The following RREB1 variants were observed in gnomAD, a reference collection of about 807,000 sequenced individuals.
RREB1 encodes ras responsive element binding protein 1.
Under a neutral mutation model 117.8 loss-of-function variants are expected in RREB1, and 27 were observed. The ratio of observed to expected loss-of-function variants is 0.23; its 90% CI spans 0.17 to 0.32. The LOEUF (loss-of-function observed/expected upper bound fraction) is 0.32. Among genes scored for constraint, RREB1 ranks in the 10% least tolerant of loss-of-function variants. The pLI, the probability that RREB1 is intolerant of heterozygous loss-of-function variation, is 1.00. For synonymous variants in RREB1, 1,298 were observed against 1,026.7 expected (o/e 1.26, Z -5.05); for missense variants, 2,577 against 2,378.2 (o/e 1.08, Z -1.74).
intron 1 of RREB1, among the ~76,000 whole-genome samples, chr6:7,109,798 G>GGAGGGGTTTTCTTCGTTT (rs1245853406): frequency 6.6e-6 from 1 of 152,162 alleles, no homozygotes; most frequent in Non-Finnish European, 1.5e-5. Flanking sequence ...GGGGCACTTT[G>GGAGGGGTTTTCTTCGTTT]GAGGGGTTTT....
intron 10 of RREB1, among the ~76,000 whole-genome samples, chr6:7,232,763 CTT>C (rs59522749): frequency 1.5e-4 from 21 of 136,924 alleles, no homozygotes; most frequent in Non-Finnish European, 1.9e-4. Flanking sequence ...TTTTCTTTTT[CTT>C]TTTTTTTTTT....
At chr6:7,237,287 A>G (rs1768395165) in intron 10 of RREB1, among the ~76,000 whole-genome samples, 4 of 152,042 alleles carry the variant, frequency 2.6e-5, no homozygotes. Context: ...GGGTTTCACC[A>G]CATTGGCCAG....
In RREB1 at chr6:7,246,545, T is replaced by C. The variant is rs535277225; in HGVS notation, c.4095T>C (p.Pro1365=). The change falls in exon 12 of 13, where the codon CCT becomes CCC. Residue 1365 remains proline (P), a synonymous_variant. Coordinates refer to ENST00000379938, the MANE Select transcript of RREB1 (RefSeq NM_001003699.4). ...TCCGCCAGGTCGCAGGGGATGCGCC[T>C]GTGGAGCAGGCCACGGCGGAAACGG... is the stretch of plus-strand genomic sequence containing the variant. ...TELRQVAGDA[P]VEQATAETAS... is the part of the protein sequence containing the mutation. The C allele has an allele frequency of 2.0e-4, 305 of 1,548,158 alleles. 6 individuals carry two copies. The East Asian group carries it at 7.4e-3, about 38-fold the overall frequency.
rs780074891 is a variant in RREB1, at chr6:7,230,377, G to A, written c.2278G>A (p.Glu760Lys). 5.7e-6 allele frequency: 9 copies of A among 1,592,428 alleles called. No individual in the cohort carries two copies. The highest frequency in any genetic ancestry group is 2.2e-5 in the East Asian group (1 of 44,674). The change falls in exon 10 of 13, where the codon GAG becomes AAG. Residue 760 changes from glutamate (E) to lysine (K), a missense_variant. Transcript: ENST00000379938. The part of the protein sequence containing the change: ...APDTVCRLCG[E>K]DLKHYRALRI... ...GGACACCGTGTGCCGGCTGTGCGGC[G>A]AGGACCTCAAGCACTATCGTGCCCT...
Position 7,179,796 on chromosome 6 carries a change from G to GTT in RREB1, c.-165-1317_-165-1316dup, listed in dbSNP as rs111361161. Among the ~76,000 whole-genome samples, 107 of 147,750 alleles carry GTT rather than the reference G, an allele frequency of 7.2e-4. 2 individuals are homozygous for GTT. The highest frequency in any genetic ancestry group is 1.5e-3 in the African/African-American group (59 of 40,512). On this transcript the variant is annotated intron_variant, in intron 2 of 12. Coordinates refer to ENST00000379938, the MANE Select transcript of RREB1 (RefSeq NM_001003699.4). ...TTAAAAACAGAAAGTTTGAAACACA[G>GTT]TTTTTTTTTTTTCTTTTAATTTTAA...
rs981390261 is a variant in RREB1 at position 7,189,408 on chromosome 6, C to G, written c.425+86C>G. 8 of 1,296,038 alleles carry G rather than the reference C, an allele frequency of 6.2e-6. No individual in the cohort carries two copies. In the Admixed American group the frequency reaches 1.3e-4, roughly 21 times the overall value. 80.3% of individuals were successfully genotyped at this position (1,296,038 alleles called of 1,614,324 possible). A position where few individuals can be genotyped will look rare whatever the true frequency, so the allele number is the denominator to read the frequency against. On this transcript the variant is annotated intron_variant, in intron 6 of 12. Coordinates refer to ENST00000379938, the MANE Select transcript of RREB1 (RefSeq NM_001003699.4). ...CAGTGGCCTCTGAGCCTTCAGAAGA[C>G]TTGCCTAAAGGTACAGAGAGTTCTG...
In RREB1 at chr6:7,229,501, G is replaced by T; in HGVS notation, c.1402G>T (p.Ala468Ser). The T allele has an allele frequency of 6.2e-7, 1 of 1,614,114 alleles. No individual in the cohort carries two copies. Among genetic ancestry groups the T allele is most frequent in the Non-Finnish European group, 8.5e-7 (1 of 1,180,028 alleles). ...PISGESAIELADIQQILKMAA... is the reference protein window; with the variant it reads ...PISGESAIELSDIQQILKMAA... ...CTCTGGCGAGTCGGCCATCGAGCTG[G>T]CAGACATCCAGCAAATTCTGAAGAT... The change falls in exon 10 of 13, where the codon GCA becomes TCA. Residue 468 changes from alanine to serine, a missense_variant. Ala to Ser is a moderately conservative substitution (Grantham distance 99). Transcript: ENST00000379938. The surrounding 1 kb of genome is among the most constrained non-coding windows in gnomAD (Gnocchi z 4.5).
In RREB1 at chr6:7,230,563, G is replaced by C; in HGVS notation, c.2464G>C (p.Glu822Gln). ...CCTGCACGTGCCCGAGCAGGACATC[G>C]AGAGCTACGTGCTGGCCGCCGACGG... is the stretch of plus-strand genomic sequence containing the variant. ...QHLHVPEQDI[E>Q]SYVLAADGLG... The change falls in exon 10 of 13, where the codon GAG (glutamate) becomes CAG (glutamine). Residue 822 changes from glutamate (E) to glutamine (Q), a missense_variant. By Grantham distance (29) the Glu-to-Gln change is conservative. Transcript: ENST00000379938. 6.2e-7 allele frequency: 1 copy of C among 1,601,662 alleles called. No homozygotes were observed. The highest frequency in any genetic ancestry group is 2.2e-5 in the East Asian group (1 of 44,560).
intron 10 of RREB1, among the ~76,000 whole-genome samples, chr6:7,236,131 C>CAA (rs1444747283): frequency 6.6e-6 from 1 of 152,154 alleles, no homozygotes; most frequent in African/African-American, 2.4e-5. Flanking sequence ...CTGCCTTTAC[C>CAA]CCTCGGGAGC....
At chr6:7,139,638 C>CA (rs575140292) in intron 1 of RREB1, among the ~76,000 whole-genome samples, 1 of 150,844 alleles carries the variant, frequency 6.6e-6, no homozygotes, top group Admixed American at 6.6e-5. Flanking sequence ...GTTGGGCCTT[C>CA]AAAAAAAAGT....
intron 1 of RREB1, among the ~76,000 whole-genome samples, chr6:7,112,592 T>C (rs573577974): frequency 6.6e-6 from 1 of 152,214 alleles, no homozygotes; most frequent in South Asian, 2.1e-4. Flanking sequence ...AGGTACCTTA[T>C]ATCAAAGGTA....
chr6:7,208,230 A>G (rs907421433), intron 6 of RREB1, among the ~76,000 whole-genome samples: 1 of 152,196 alleles, frequency 6.6e-6, no homozygotes, highest in African/African-American at 2.4e-5. Flanking sequence ...GGAAGGGGTC[A>G]TTAGTGTCTC....
chr6:7,225,457 G>A (rs1767528029), intron 8 of RREB1, among the ~76,000 whole-genome samples: 2 of 152,132 alleles, frequency 1.3e-5, no homozygotes, highest in South Asian at 4.2e-4. Flanking sequence ...CCATAACGAT[G>A]GTATTTTGTT....
intron 8 of RREB1, among the ~76,000 whole-genome samples, chr6:7,219,895 C>T (rs1335241163): frequency 2.0e-5 from 3 of 152,172 alleles, no homozygotes; most frequent in African/African-American, 4.8e-5. Context: ...TCTACTTCAC[C>T]CTACCCAGTG....
rs1364251933 is a variant in RREB1, at chr6:7,230,458, C to T, written c.2359C>T (p.Arg787Cys). 6.3e-6 allele frequency: 10 copies of T among 1,593,728 alleles called. No individual in the cohort carries two copies. The highest frequency in any genetic ancestry group is 2.2e-5 in the East Asian group (1 of 44,700). Residue 787 changes from arginine (R) to cysteine (C), a missense_variant, in exon 10 of 13, where the codon CGC becomes TGC. Transcript: ENST00000379938. Reference protein sequence around the residue: ...GRGLGGGHKGRKPFECKECSA... With the variant: ...GRGLGGGHKGCKPFECKECSA... ...CGGCCTGGGCGGGGGCCACAAGGGC[C>T]GCAAGCCCTTCGAGTGCAAGGAGTG...
chr6:7,164,980 T>C (rs1763852531), intron 1 of RREB1, among the ~76,000 whole-genome samples: 1 of 152,268 alleles, frequency 6.6e-6, no homozygotes, highest in Non-Finnish European at 1.5e-5. Flanking sequence ...CTCGGGTTTC[T>C]GGACTTTGAT....
intron 1 of RREB1, among the ~76,000 whole-genome samples, chr6:7,133,677 A>AT (rs1428313298): frequency 9.8e-5 from 15 of 152,318 alleles, no homozygotes; most frequent in African/African-American, 3.6e-4. Context: ...ATTAAAAATT[A>AT]TTTTTTCATC....
At chr6:7,146,295 C>T (rs1762854477) in intron 1 of RREB1, among the ~76,000 whole-genome samples, 1 of 152,106 alleles carries the variant, frequency 6.6e-6, no homozygotes, top group South Asian at 2.1e-4. Context: ...ACATAGGCCC[C>T]ATTCAGCAGC....
At chr6:7,175,150 T>A (rs751182379) in intron 1 of RREB1, among the ~76,000 whole-genome samples, 1 of 151,926 alleles carries the variant, frequency 6.6e-6, no homozygotes, top group Non-Finnish European at 1.5e-5. Context: ...CTTAGATGGG[T>A]GAAGATAGTC....
Sources: allele counts gnomAD v4.1 joint callset (sites outside exome capture counted in the v4.1 genomes callset), GRCh38; gene constraint gnomAD v4.1.1; non-coding constraint Gnocchi (gnomAD v3.1); transcripts MANE v1.5; gene names NCBI Gene and HGNC (gene_info 2026-07-23, HGNC 2026-07-21).